Variants in GALNTL6 observed in about 807,000 individuals in gnomAD.
The protein encoded by GALNTL6 is polypeptide N-acetylgalactosaminyltransferase like 6, also known as polypeptide N-acetylgalactosaminyltransferase-like 6.
In GALNTL6, 46 loss-of-function variants were observed where a neutral mutation model predicts 73.7. That is an observed-to-expected ratio of 0.62 (90% CI 0.49 to 0.80). The LOEUF is 0.80. Ranked by LOEUF, GALNTL6 falls within the 30% of genes least tolerant of loss-of-function variation. GALNTL6 has a pLI of 0.00. For synonymous variants in GALNTL6, 259 were observed against 263.7 expected, an observed-to-expected ratio of 0.98 and a Z score of 0.17; for missense variants, 604 against 755.0, an observed-to-expected ratio of 0.80 and a Z score of 2.34.
At position 173,017,285 on chromosome 4, in the gene GALNTL6, G is replaced by A. The variant is rs573347159; in HGVS notation, c.1489-4191G>A. ...TAACATCAACTTACTTTAACACTGA[G>A]GAATTTAAGGTTGAAAAGAAATCAA... On this transcript the variant is annotated intron_variant, in intron 11 of 12. Coordinates refer to ENST00000506823, the MANE Select transcript of GALNTL6 (RefSeq NM_001034845.3). Among the ~76,000 whole-genome samples the A allele has an allele frequency of 7.2e-5, 11 of 152,226 alleles. No homozygotes were observed. The South Asian group carries it at 2.3e-3, about 32-fold the overall frequency.
At chr4:172,325,783 G>T (rs1011634738) in intron 4 of GALNTL6, among the ~76,000 whole-genome samples, 3 of 151,510 alleles carry the variant, frequency 2.0e-5, no homozygotes, top group Non-Finnish European at 4.4e-5. Flanking sequence ...AAATCACAAT[G>T]GATTCATAGA....
In GALNTL6 at chr4:172,740,316, C is replaced by T. The variant is rs1424363573; in HGVS notation, c.554-69045C>T. ...CACAGAAGTCAGGGTAGTGGTTACC[C>T]TTGGAAGAGAGCCTAAGAGGATGCT... On this transcript the variant is annotated intron_variant, in intron 5 of 12. Transcript: ENST00000506823. Among the ~76,000 whole-genome samples, 3 of 152,134 alleles carry T rather than the reference C, an allele frequency of 2.0e-5. No homozygotes were observed. The East Asian group carries it at 5.8e-4, about 29-fold the overall frequency.
intron 2 of GALNTL6, among the ~76,000 whole-genome samples, chr4:171,861,920 T>C (rs1057291413): frequency 3.3e-5 from 5 of 152,184 alleles, no homozygotes; most frequent in African/African-American, 1.2e-4. Flanking sequence ...TGGCCACTAA[T>C]AGTGTTTACT....
intron 12 of GALNTL6, among the ~76,000 whole-genome samples, chr4:173,022,232 G>GAGTT (rs200423983): frequency 0.077 from 11,618 of 150,092 alleles, 932 homozygotes; most frequent in African/African-American, 0.19. Flanking sequence ...AGGAAGTTTT[G>GAGTT]AAAGTTTTAC....
At chr4:172,796,702 G>A (rs1740287645) in intron 5 of GALNTL6, among the ~76,000 whole-genome samples, 1 of 152,154 alleles carries the variant, frequency 6.6e-6, no homozygotes, top group Admixed American at 6.5e-5. Flanking sequence ...CACATCTTTA[G>A]CAGGTCAATT....
chr4:172,231,847 T>C (rs550116696), intron 3 of GALNTL6, among the ~76,000 whole-genome samples: 4 of 152,202 alleles, frequency 2.6e-5, no homozygotes, highest in Admixed American at 2.6e-4. Flanking sequence ...CACATTTATA[T>C]CTGCTCCATA....
intron 5 of GALNTL6, among the ~76,000 whole-genome samples, chr4:172,539,875 TTATATATATATATA>T (rs10589603): frequency 8.7e-5 from 11 of 126,654 alleles, no homozygotes; most frequent in East Asian, 7.1e-4. Context: ...ATACATATGA[TTATATATATATATA>T]TATATATATA....
chr4:172,855,196 G>GAAAA (rs3087060), intron 7 of GALNTL6, among the ~76,000 whole-genome samples: 3 of 138,900 alleles, frequency 2.2e-5, no homozygotes, highest in Admixed American at 7.2e-5. Context: ...ACTTTGAGGT[G>GAAAA]AAAAAAAAAA....
intron 5 of GALNTL6, among the ~76,000 whole-genome samples, chr4:172,579,506 G>A (rs1026004428): frequency 3.9e-5 from 6 of 151,974 alleles, no homozygotes; most frequent in South Asian, 2.1e-4. Context: ...TGGTGGTCTC[G>A]GCTAGACTCT....
chr4:172,567,496 CAT>C (rs1296772632), intron 5 of GALNTL6, among the ~76,000 whole-genome samples: 2 of 152,104 alleles, frequency 1.3e-5, no homozygotes, highest in Non-Finnish European at 2.9e-5. Context: ...AACCAGCAAA[CAT>C]ATCTTTTTCT....
Position 172,538,257 on chromosome 4 carries a change from G to C in GALNTL6, c.553+189568G>C, listed in dbSNP as rs566750693. Among the ~76,000 whole-genome samples, 3 of 152,054 alleles carry C rather than the reference G, an allele frequency of 2.0e-5. No individual in the cohort carries two copies. In the South Asian group the frequency reaches 6.2e-4, roughly 32 times the overall value. ...GGGCAGATCATGAGGTCAGGAGATCGAGACCATCCTGGCTAACATGGTGAA... is the reference window on the plus strand; with the variant it reads ...GGGCAGATCATGAGGTCAGGAGATCCAGACCATCCTGGCTAACATGGTGAA... On this transcript the variant is annotated intron_variant, in intron 5 of 12. Transcript: ENST00000506823.
At chr4:172,429,272 C>T (rs1038410487) in intron 5 of GALNTL6, among the ~76,000 whole-genome samples, 2 of 150,070 alleles carry the variant, frequency 1.3e-5, no homozygotes, top group Non-Finnish European at 1.5e-5. Flanking sequence ...TGTGCAGTGG[C>T]GTGATCTCAG....
At chr4:172,554,723 G>T (rs929432300) in intron 5 of GALNTL6, among the ~76,000 whole-genome samples, 2 of 152,170 alleles carry the variant, frequency 1.3e-5, no homozygotes, top group South Asian at 4.2e-4. Context: ...AGAGTCATCC[G>T]TATCACTGGG....
At chr4:172,926,506 A>C (rs1056948551) in intron 8 of GALNTL6, among the ~76,000 whole-genome samples, 1 of 152,226 alleles carries the variant, frequency 6.6e-6, no homozygotes, top group African/African-American at 2.4e-5. Context: ...GAATAGGTTA[A>C]GGCCAGAAAA....
chr4:172,906,794 G>A (rs1746918895), intron 8 of GALNTL6, among the ~76,000 whole-genome samples: 1 of 152,218 alleles, frequency 6.6e-6, no homozygotes, highest in Non-Finnish European at 1.5e-5. Context: ...AAGGCCAGCA[G>A]GAGAATTTCT....
At chr4:172,550,941 C>T (rs1350585816) in intron 5 of GALNTL6, among the ~76,000 whole-genome samples, 1 of 152,154 alleles carries the variant, frequency 6.6e-6, no homozygotes, top group Non-Finnish European at 1.5e-5. Flanking sequence ...GTTTAATTGA[C>T]TGAGGTGACA....
At chr4:172,216,689 CAA>C (rs964014359) in intron 2 of GALNTL6, among the ~76,000 whole-genome samples, 1 of 151,888 alleles carries the variant, frequency 6.6e-6, no homozygotes, top group African/African-American at 2.4e-5. Context: ...GTTTTATCAA[CAA>C]AAAGAGTCAA....
intron 2 of GALNTL6, among the ~76,000 whole-genome samples, chr4:172,025,059 A>C (rs966398524): frequency 6.6e-6 from 1 of 152,014 alleles, no homozygotes; most frequent in Non-Finnish European, 1.5e-5. Flanking sequence ...TCAATGCTTC[A>C]CAGCTTAATT....
At chr4:172,903,654 A>G (rs1746739014) in intron 8 of GALNTL6, among the ~76,000 whole-genome samples, 1 of 152,172 alleles carries the variant, frequency 6.6e-6, no homozygotes. Context: ...AATTGGAGTA[A>G]AACTACAGGT....
Sources: gnomAD v4.1 joint callset for allele counts (sites outside exome capture counted in the v4.1 genomes callset) on GRCh38, gnomAD v4.1.1 for gene constraint, MANE v1.5 for transcripts, NCBI Gene and HGNC (gene_info 2026-07-23, HGNC 2026-07-21) for gene names.